DCBLD1: variants seen among roughly 807,000 people sequenced by gnomAD.
DCBLD1 encodes discoidin, CUB and LCCL domain-containing protein 1.
Under a neutral mutation model 71.5 loss-of-function variants are expected in DCBLD1, and 57 were observed. That is an observed-to-expected ratio of 0.80 (90% CI 0.64 to 0.99). DCBLD1 has a LOEUF of 0.99. DCBLD1 is among the 50% of genes least tolerant of loss of function. The pLI, the probability that DCBLD1 is intolerant of heterozygous loss-of-function variation, is 0.00. For synonymous variants in DCBLD1, 380 were observed against 363.8 expected (o/e 1.04, Z -0.51); for missense variants, 891 against 923.5 (o/e 0.96, Z 0.46).
intron 12 of DCBLD1, 118 bp from the exon 13 acceptor site, chr6:117,544,410 A>G: frequency 2.3e-6 from 2 of 885,214 alleles, no homozygotes; most frequent in Non-Finnish European, 3.2e-6. Flanking sequence ...CTGCCATCTC[A>G]TTTAATTCTC....
At chr6:117,505,239 G>C (rs976659806) in intron 2 of DCBLD1, among the ~76,000 whole-genome samples, 1 of 152,146 alleles carries the variant, frequency 6.6e-6, no homozygotes, top group Non-Finnish European at 1.5e-5. Context: ...GACACTTCCA[G>C]GGATGCTGAA....
Position 117,482,820 on chromosome 6 carries a change from G to A in DCBLD1, c.39G>A (p.Arg13=). 1 of 1,164,430 alleles carries A rather than the reference G, an allele frequency of 8.6e-7. No individual in the cohort carries two copies. The highest frequency in any genetic ancestry group is 1.1e-6 in the Non-Finnish European group (1 of 945,840). The allele number at this position is 1,164,430 out of a possible 1,614,324, so 72.1% of individuals were successfully genotyped here. A position where few individuals can be genotyped will look rare whatever the true frequency, so the allele number is the denominator to read the frequency against. The change falls in exon 1 of 15, where the codon CGG becomes CGA. Residue 13 remains arginine (R), a synonymous_variant. Coordinates refer to ENST00000338728, the MANE Select transcript of DCBLD1 (RefSeq NM_001366458.2). ...CCCGCGGCGGCGGCGCACTGGCGCG[G>A]GCTGCCGGGCGGGGCCTCCTGGCTT... ...PGARGGGALA[R]AAGRGLLALL... is the part of the protein sequence containing the mutation.
chr6:117,560,249 A>G (rs1448267436), intron 14 of DCBLD1: 2 of 171,214 alleles, frequency 1.2e-5, no homozygotes, highest in Admixed American at 1.3e-4. Context: ...ACTACTAGAA[A>G]TAAATAACAA....
At chr6:117,569,800 A>G (rs1341639451) in exon 15 of DCBLD1, 1 of 1,441,112 alleles carries the variant, frequency 6.9e-7, no homozygotes, top group Non-Finnish European at 9.2e-7. Context: ...CGATTAATCT[A>G]GAGATAAAAT....
intron 5 of DCBLD1, among the ~76,000 whole-genome samples, chr6:117,528,751 TTTTG>T (rs1362891655): frequency 1.3e-5 from 2 of 152,228 alleles, no homozygotes; most frequent in African/African-American, 2.4e-5. Flanking sequence ...TTTAAGTATA[TTTTG>T]TTTAAGATAA....
chr6:117,491,297 T>C (rs1777283754), intron 1 of DCBLD1, among the ~76,000 whole-genome samples: 1 of 152,186 alleles, frequency 6.6e-6, no homozygotes, highest in Admixed American at 6.5e-5. Flanking sequence ...CTGCTTATTT[T>C]GAGAATAAAA....
rs1414828869 is a variant in DCBLD1, at chr6:117,548,221, G to T, written c.1930G>T (p.Gly644Cys). The T allele has an allele frequency of 3.2e-6, 5 of 1,550,574 alleles. No individual in the cohort carries two copies. The East Asian group carries it at 9.8e-5, about 30-fold the overall frequency. Residue 644 changes from glycine to cysteine, a missense_variant, in exon 15 of 15, where the codon GGT becomes TGT. Gly to Cys is a radical substitution (Grantham distance 159). Transcript: ENST00000338728. ...LSSGGFSPVA[G>C]VGAQDGDYQR... is the part of the protein sequence containing the mutation. ...CTCGGGCGGCTTCTCCCCCGTAGCG[G>T]GTGTGGGCGCCCAGGACGGAGACTA... is the stretch of plus-strand genomic sequence containing the variant.
intron 6 of DCBLD1, among the ~76,000 whole-genome samples, chr6:117,534,256 A>G (rs1476369955): frequency 6.6e-6 from 1 of 152,230 alleles, no homozygotes; most frequent in Non-Finnish European, 1.5e-5. Flanking sequence ...ACATATATAC[A>G]CACACATATA....
At chr6:117,521,385 T>C in intron 3 of DCBLD1, 140 bp from the exon 4 acceptor site, 1 of 679,266 alleles carries the variant, frequency 1.5e-6, no homozygotes, top group Non-Finnish European at 2.3e-6. Flanking sequence ...TCAGTGTTTA[T>C]TTTTAAAAGG....
At chr6:117,568,474 C>T (rs911491549) in intron 14 of DCBLD1, among the ~76,000 whole-genome samples, 3 of 152,196 alleles carry the variant, frequency 2.0e-5, no homozygotes, top group South Asian at 2.1e-4. Context: ...CTTATGGCTG[C>T]CCATTGATAG....
At chr6:117,569,840 C>T in exon 15 of DCBLD1, 4 of 1,230,842 alleles carry the variant, frequency 3.2e-6, no homozygotes, top group Non-Finnish European at 4.3e-6. Context: ...TCATTAAACA[C>T]CTATGCTGTC....
At chr6:117,544,701 C>A in intron 13 of DCBLD1, 124 bp downstream of exon 13, 1 of 917,368 alleles carries the variant, frequency 1.1e-6, no homozygotes, top group East Asian at 2.6e-5. Flanking sequence ...GCCCTGTAGC[C>A]TTTAAAGTAG....
chr6:117,544,471 A>G, intron 12 of DCBLD1, 57 bp from the exon 13 acceptor site: 1 of 1,573,336 alleles, frequency 6.4e-7, no homozygotes, highest in South Asian at 1.1e-5. Context: ...TTATATAGGG[A>G]GAGAGAGGCA....
In DCBLD1 at chr6:117,543,228, T is replaced by A. The variant is rs775197044; in HGVS notation, c.1445+17T>A. On this transcript the variant is annotated intron_variant, in intron 12 of 14. Coordinates refer to ENST00000338728, the MANE Select transcript of DCBLD1 (RefSeq NM_001366458.2). ...CTTTAGAAAGTATGGTGACTTTACA[T>A]GTTTAAATTTCTTCTCTAATTATGC... The A allele has an allele frequency of 9.9e-6, 16 of 1,610,314 alleles. No homozygotes were observed. Among genetic ancestry groups the A allele is most frequent in the Non-Finnish European group, 1.3e-5 (15 of 1,176,836 alleles).
Position 117,504,260 on chromosome 6 carries a change from A to T in DCBLD1, c.325+281A>T, listed in dbSNP as rs1288536925. 2.6e-5 allele frequency among the ~76,000 whole-genome samples: 4 copies of T among 152,214 alleles called. No homozygotes were observed. In the South Asian group the frequency reaches 8.3e-4, roughly 32 times the overall value. On this transcript the variant is annotated intron_variant, in intron 2 of 14. Coordinates refer to ENST00000338728, the MANE Select transcript of DCBLD1 (RefSeq NM_001366458.2). ...AGAGATACGTGACATTTGGTAAACC[A>T]TCTATACAGTTCATTATTCATTTGA...
intron 1 of DCBLD1, among the ~76,000 whole-genome samples, chr6:117,493,612 A>G (rs1258270829): frequency 1.3e-5 from 2 of 152,218 alleles, no homozygotes; most frequent in Non-Finnish European, 2.9e-5. Context: ...CTCAGCAGTA[A>G]TGTGAGATTG....
chr6:117,482,885 A>T lies in DCBLD1; in HGVS notation c.104A>T (p.Glu35Val). Reference protein sequence around the residue: ...AVSAPLRLQAEELGDGCGHLV... With the variant: ...AVSAPLRLQAVELGDGCGHLV... ...TCCGCCCCGCTCCGGCTGCAGGCGG[A>T]GGAGCTGGGTGAGTGGAGCGCGTCC... The change falls in exon 1 of 15, where the codon GAG (glutamate) becomes GTG (valine). Residue 35 changes from glutamate (E) to valine (V), a missense_variant. Physicochemically the swap from Glu to Val is moderately radical, Grantham distance 121. Transcript: ENST00000338728. The T allele has an allele frequency of 8.4e-7, 1 of 1,194,016 alleles. No homozygotes were observed. Among genetic ancestry groups the T allele is most frequent in the Non-Finnish European group, 1.0e-6 (1 of 961,346 alleles). The allele number at this position is 1,194,016 out of a possible 1,614,324, so 74.0% of individuals were successfully genotyped here.
intron 1 of DCBLD1, among the ~76,000 whole-genome samples, chr6:117,499,932 C>T (rs546330976): frequency 1.2e-4 from 18 of 152,306 alleles, no homozygotes; most frequent in Middle Eastern, 3.4e-3. Context: ...GCAGGACAAT[C>T]GCTTGAACCT....
chr6:117,539,375 A>C lies in DCBLD1; in HGVS notation c.1097A>C (p.Glu366Ala). ...KTYKGIVNNE[E>A]KVFQGNSNFR... ...TATAAAGGAATTGTGAATAATGAAGAAAAGGTAAGAGGTAACCCTAGAGGC... is the reference window on the plus strand; with the variant it reads ...TATAAAGGAATTGTGAATAATGAAGCAAAGGTAAGAGGTAACCCTAGAGGC... Residue 366 changes from glutamate (E) to alanine (A), a missense_variant, in exon 9 of 15, where the codon GAA becomes GCA. By Grantham distance (107) the Glu-to-Ala change is moderately radical (BLOSUM62 -1). Coordinates refer to ENST00000338728, the MANE Select transcript of DCBLD1 (RefSeq NM_001366458.2). 6.2e-7 allele frequency: 1 copy of C among 1,602,358 alleles called. No homozygotes were observed. The highest frequency in any genetic ancestry group is 8.5e-7 in the Non-Finnish European group (1 of 1,177,394).
Sources: gnomAD v4.1 joint callset for allele counts (sites outside exome capture counted in the v4.1 genomes callset) on GRCh38, gnomAD v4.1.1 for gene constraint, MANE v1.5 for transcripts, NCBI Gene and HGNC (gene_info 2026-07-23, HGNC 2026-07-21) for gene names.